IL1RAPL2: variants seen among roughly 807,000 people sequenced by gnomAD.
IL1RAPL2 encodes X-linked interleukin-1 receptor accessory protein-like 2.
In IL1RAPL2, 3 loss-of-function variants were observed where a neutral mutation model predicts 44.1. That is an observed-to-expected ratio of 0.07 (90% CI 0.03 to 0.18). The LOEUF is 0.18. Ranked by LOEUF, IL1RAPL2 falls within the 10% of genes least tolerant of loss-of-function variation. The pLI is 1.00. For synonymous variants in IL1RAPL2, 181 were observed against 178.8 expected (o/e 1.01, Z -0.10); for missense variants, 391 against 496.4 (o/e 0.79, Z 2.02).
intron 6 of IL1RAPL2, among the ~76,000 whole-genome samples, chrX:105,547,389 G>C (rs1236665719): frequency 2.7e-5 from 3 of 112,261 alleles, no homozygotes; most frequent in African/African-American, 6.5e-5. Context: ...AGATCACCTA[G>C]TAAACCCCTT....
intron 2 of IL1RAPL2, among the ~76,000 whole-genome samples, chrX:104,865,057 A>G (rs1922582398): frequency 9.2e-6 from 1 of 108,594 alleles, no homozygotes; most frequent in African/African-American, 3.6e-5. Flanking sequence ...GCAGCTTAAG[A>G]CATACTTACC....
intron 2 of IL1RAPL2, among the ~76,000 whole-genome samples, chrX:104,667,644 C>T (rs981128761): frequency 1.1e-4 from 12 of 111,362 alleles, no homozygotes; most frequent in Admixed American, 1.9e-4. Flanking sequence ...CTCTTAATCA[C>T]TCGTCCATGT....
At chrX:105,279,441 T>C (rs1329588555) in intron 5 of IL1RAPL2, among the ~76,000 whole-genome samples, 1 of 111,782 alleles carries the variant, frequency 8.9e-6, no homozygotes, top group Non-Finnish European at 1.9e-5. Context: ...ATTACTATGA[T>C]ATGGTTTGAC....
intron 2 of IL1RAPL2, among the ~76,000 whole-genome samples, chrX:104,803,329 G>T (rs1212069885): frequency 8.9e-6 from 1 of 111,894 alleles, no homozygotes; most frequent in Admixed American, 9.5e-5. Context: ...ACACATGTCT[G>T]TGCTCAGTTT....
intron 6 of IL1RAPL2, among the ~76,000 whole-genome samples, chrX:105,485,205 G>A (rs181924934): frequency 9.0e-6 from 1 of 111,654 alleles, no homozygotes; most frequent in East Asian, 2.8e-4. Context: ...CTGAATATAT[G>A]ATTTGTTGAT....
At chrX:105,721,059 C>T (rs1229512465) in intron 7 of IL1RAPL2, among the ~76,000 whole-genome samples, 1 of 111,152 alleles carries the variant, frequency 9.0e-6, no homozygotes, top group Non-Finnish European at 1.9e-5. Flanking sequence ...ATCCAATGTC[C>T]ATCAACAGGT....
chrX:105,611,473 A>G (rs775576500), intron 6 of IL1RAPL2, among the ~76,000 whole-genome samples: 4 of 111,611 alleles, frequency 3.6e-5, no homozygotes, highest in Non-Finnish European at 5.7e-5. Flanking sequence ...CAGGTGTACC[A>G]TTTTTTATCT....
intron 3 of IL1RAPL2, among the ~76,000 whole-genome samples, chrX:105,216,899 T>C (rs1209993081): frequency 8.9e-6 from 1 of 112,044 alleles, no homozygotes; most frequent in Non-Finnish European, 1.9e-5. Context: ...TGGATAGCCA[T>C]ATGCAGAAAA....
intron 6 of IL1RAPL2, among the ~76,000 whole-genome samples, chrX:105,515,348 G>C (rs1049398379): frequency 1.8e-5 from 2 of 111,859 alleles, no homozygotes; most frequent in Non-Finnish European, 3.8e-5. Context: ...ATGTAATTTC[G>C]GGTGATTCAT....
At chrX:105,731,385 A>G (rs2038404870) in intron 7 of IL1RAPL2, among the ~76,000 whole-genome samples, 1 of 111,037 alleles carries the variant, frequency 9.0e-6, no homozygotes, top group African/African-American at 3.3e-5. Context: ...ACGTCTCCCA[A>G]CAAAGAAAAC....
intron 2 of IL1RAPL2, among the ~76,000 whole-genome samples, chrX:104,959,958 C>T (rs1378385421): frequency 1.8e-5 from 2 of 111,677 alleles, no homozygotes; most frequent in Non-Finnish European, 3.8e-5. Context: ...AAGCTCTTAC[C>T]ATAATATTTT....
At chrX:105,211,219 G>A (rs1380555568) in intron 3 of IL1RAPL2, among the ~76,000 whole-genome samples, 6 of 111,833 alleles carry the variant, frequency 5.4e-5, no homozygotes, top group Non-Finnish European at 9.4e-5. Context: ...AACCCTCTGA[G>A]CACTATCAGT....
intron 6 of IL1RAPL2, among the ~76,000 whole-genome samples, chrX:105,572,250 A>C (rs754651417): frequency 1.8e-5 from 2 of 112,001 alleles, no homozygotes; most frequent in South Asian, 7.4e-4. Context: ...AAGAAACTTT[A>C]GCATCAGGGA....
intron 2 of IL1RAPL2, among the ~76,000 whole-genome samples, chrX:104,883,083 G>A (rs1019300471): frequency 6.3e-5 from 7 of 111,440 alleles, no homozygotes; most frequent in African/African-American, 9.8e-5. Context: ...GAGGGTCCGC[G>A]GCTTCATTCT....
intron 3 of IL1RAPL2, among the ~76,000 whole-genome samples, chrX:105,223,411 G>A (rs1291197651): frequency 9.0e-6 from 1 of 111,332 alleles, no homozygotes; most frequent in African/African-American, 3.3e-5. Context: ...TGATTTTATA[G>A]TTGTCCCCCT....
chrX:104,599,923 T>C (rs1346711779), intron 1 of IL1RAPL2, among the ~76,000 whole-genome samples: 2 of 110,949 alleles, frequency 1.8e-5, no homozygotes, highest in Admixed American at 9.7e-5. Context: ...TGTATGTTAA[T>C]AGAAATTCTG....
At chrX:105,219,920 AC>A (rs2033932226) in intron 3 of IL1RAPL2, 2 of 1,138,285 alleles carry the variant, frequency 1.8e-6, no homozygotes, top group Admixed American at 2.3e-5. Context: ...CTGGGCAGGG[AC>A]CAGTTGAGGG....
chrX:105,515,262 C>A (rs926351839), intron 6 of IL1RAPL2, among the ~76,000 whole-genome samples: 2 of 111,765 alleles, frequency 1.8e-5, no homozygotes, highest in Non-Finnish European at 3.8e-5. Context: ...ATCTGGCAAT[C>A]ACAGATCCTT....
intron 2 of IL1RAPL2, among the ~76,000 whole-genome samples, chrX:104,830,468 G>A (rs1046097374): frequency 1.8e-5 from 2 of 111,410 alleles, no homozygotes; most frequent in Non-Finnish European, 3.8e-5. Context: ...GTGTAATATT[G>A]TTTTCACTGG....
Sources: allele counts gnomAD v4.1 joint callset (sites outside exome capture counted in the v4.1 genomes callset), GRCh38; gene constraint gnomAD v4.1.1; transcripts MANE v1.5; gene names NCBI Gene and HGNC (gene_info 2026-07-23, HGNC 2026-07-21).